The following SLC10A7 variants were observed in gnomAD, a reference collection of about 807,000 sequenced individuals.
SLC10A7 encodes the protein sodium/bile acid cotransporter 7.
In SLC10A7, 29 loss-of-function variants were observed where a neutral mutation model predicts 43.2. That is an observed-to-expected ratio of 0.67 (90% confidence interval 0.50 to 0.92). The LOEUF is 0.92. SLC10A7 is among the 40% of genes least tolerant of loss of function. SLC10A7 has a pLI of 0.00. For synonymous variants in SLC10A7, 152 were observed against 144.8 expected (o/e 1.05, Z -0.35); for missense variants, 295 against 403.2 (o/e 0.73, Z 2.30).
At chr4:146,321,950 A>C (rs1732740711) in intron 6 of SLC10A7, among the ~76,000 whole-genome samples, 1 of 152,238 alleles carries the variant, frequency 6.6e-6, no homozygotes, top group African/African-American at 2.4e-5. Flanking sequence ...TACCATAAGT[A>C]TCTAATGATG....
At chr4:146,398,634 A>G (rs114680433) in intron 5 of SLC10A7, among the ~76,000 whole-genome samples, 457 of 152,364 alleles carry the variant, frequency 3.0e-3, no homozygotes, top group Non-Finnish European at 5.4e-3. Flanking sequence ...TCAGAAAAGA[A>G]TCTGTGGGTG....
intron 2 of SLC10A7, chr4:146,515,027 G>C: frequency 1.5e-6 from 1 of 672,672 alleles, no homozygotes; most frequent in East Asian, 2.7e-5. Context: ...GACTCTGAAG[G>C]TTTCTTAGGT....
intron 5 of SLC10A7, among the ~76,000 whole-genome samples, chr4:146,423,583 C>A (rs905846308): frequency 6.6e-6 from 1 of 152,018 alleles, no homozygotes; most frequent in Non-Finnish European, 1.5e-5. Flanking sequence ...TTTAAAACAC[C>A]AAAGCGAGGT....
chr4:146,293,996 A>G lies in SLC10A7; in HGVS notation c.655T>C (p.Cys219Arg). Residue 219 changes from cysteine (C) to arginine (R), a missense_variant, in exon 8 of 12, where the codon TGT (cysteine) becomes CGT (arginine). By Grantham distance (180) the Cys-to-Arg change is radical. Around this residue, in one of 2 missense-constraint regions of SLC10A7, gnomAD observed 242 missense variants for 362.5 expected, o/e 0.67. Coordinates refer to ENST00000335472, the MANE Select transcript of SLC10A7 (RefSeq NM_001029998.6). Reference sequence around the variant, plus strand: ...ATATTTGGGTTAGAGAACGTGTCACAGAATGTTGTGTAGATGATCATGAGG... The same window carrying G: ...ATATTTGGGTTAGAGAACGTGTCACGGAATGTTGTGTAGATGATCATGAGG... The part of the protein sequence containing the change: ...VLLMIIYTTF[C>R]DTFSNPNIDL... The G allele has an allele frequency of 1.2e-6, 2 of 1,613,556 alleles. No individual in the cohort carries two copies. The highest frequency in any genetic ancestry group is 1.7e-6 in the Non-Finnish European group (2 of 1,179,566).
At chr4:146,328,526 A>G (rs1212148728) in intron 5 of SLC10A7, among the ~76,000 whole-genome samples, 1 of 152,102 alleles carries the variant, frequency 6.6e-6, no homozygotes, top group Non-Finnish European at 1.5e-5. Context: ...GCCAGCACCC[A>G]TGCACAGTGT....
chr4:146,476,724 A>G (rs1560946435), intron 4 of SLC10A7, among the ~76,000 whole-genome samples: 1 of 152,194 alleles, frequency 6.6e-6, no homozygotes, highest in Non-Finnish European at 1.5e-5. Flanking sequence ...CTCTAATATT[A>G]CTTGCTTAAA....
chr4:146,467,152 T>C (rs1310071113), intron 4 of SLC10A7, among the ~76,000 whole-genome samples: 1 of 152,180 alleles, frequency 6.6e-6, no homozygotes, highest in Non-Finnish European at 1.5e-5. Flanking sequence ...GGTGTATTAA[T>C]CTATGCTGTT....
At chr4:146,316,221 C>A (rs1272571812) in intron 6 of SLC10A7, among the ~76,000 whole-genome samples, 3 of 151,952 alleles carry the variant, frequency 2.0e-5, no homozygotes, top group African/African-American at 7.3e-5. Flanking sequence ...GAATTTCTGC[C>A]CTTGCCTAAA....
At chr4:146,520,662 C>T (rs1384414261) in intron 1 of SLC10A7, among the ~76,000 whole-genome samples, 1 of 152,148 alleles carries the variant, frequency 6.6e-6, no homozygotes, top group Non-Finnish European at 1.5e-5. Flanking sequence ...TGAGCGCTTC[C>T]TACTATGAAA....
intron 5 of SLC10A7, among the ~76,000 whole-genome samples, chr4:146,341,289 G>A (rs1734244793): frequency 6.6e-6 from 1 of 151,614 alleles, no homozygotes; most frequent in South Asian, 2.1e-4. Context: ...TAACCATTTG[G>A]ATTGAATTTC....
At chr4:146,283,311 A>G (rs575258177) in intron 9 of SLC10A7, 46 bp from the exon 10 acceptor site, 2 of 1,478,078 alleles carry the variant, frequency 1.4e-6, no homozygotes, top group East Asian at 2.3e-5. Context: ...TAAAAAGCCA[A>G]TTTAACACAT....
At chr4:146,278,134 A>G (rs1729324129) in intron 10 of SLC10A7, among the ~76,000 whole-genome samples, 1 of 152,146 alleles carries the variant, frequency 6.6e-6, no homozygotes. Flanking sequence ...GGCCTGGAAT[A>G]TAGTTTCTGA....
chr4:146,416,909 GCT>G (rs1728609271), intron 5 of SLC10A7, among the ~76,000 whole-genome samples: 2 of 152,160 alleles, frequency 1.3e-5, no homozygotes, highest in East Asian at 1.9e-4. Flanking sequence ...CCCATGGCTT[GCT>G]CTCTCACCTC....
At chr4:146,280,389 G>C (rs1250215137) in intron 10 of SLC10A7, among the ~76,000 whole-genome samples, 2 of 152,156 alleles carry the variant, frequency 1.3e-5, no homozygotes, top group East Asian at 3.9e-4. Flanking sequence ...TCCTTGTGAT[G>C]TTCTTGCATT....
chr4:146,415,154 T>C (rs1728477808), intron 5 of SLC10A7, among the ~76,000 whole-genome samples: 2 of 152,212 alleles, frequency 1.3e-5, no homozygotes, highest in East Asian at 3.8e-4. Context: ...GTTCAAATTA[T>C]GGAATTTTTT....
At chr4:146,483,881 A>G (rs1025235550) in intron 4 of SLC10A7, among the ~76,000 whole-genome samples, 16 of 152,344 alleles carry the variant, frequency 1.1e-4, no homozygotes, top group African/African-American at 3.6e-4. Flanking sequence ...AAAGAGAAAA[A>G]GAAGGTTTTT....
At chr4:146,397,526 C>T (rs577317313) in intron 5 of SLC10A7, among the ~76,000 whole-genome samples, 17 of 152,220 alleles carry the variant, frequency 1.1e-4, no homozygotes, top group South Asian at 6.2e-4. Flanking sequence ...CTGGTCTGCA[C>T]GAGGGATAGT....
chr4:146,480,626 T>C (rs951954416), intron 4 of SLC10A7, among the ~76,000 whole-genome samples: 4 of 152,008 alleles, frequency 2.6e-5, no homozygotes, highest in African/African-American at 9.7e-5. Context: ...CCTTAGTATA[T>C]AAAATACTTT....
chr4:146,303,227 T>C (rs903459239), intron 7 of SLC10A7, among the ~76,000 whole-genome samples: 1 of 152,176 alleles, frequency 6.6e-6, no homozygotes, highest in Non-Finnish European at 1.5e-5. Context: ...ATCATCTCCA[T>C]CCTACTTTAT....
Sources: gnomAD v4.1 joint callset for allele counts (sites outside exome capture counted in the v4.1 genomes callset) on GRCh38, gnomAD v4.1.1 for gene constraint, gnomAD v4.1.1 regional missense constraint, MANE v1.5 for transcripts, NCBI Gene and HGNC (gene_info 2026-07-23, HGNC 2026-07-21) for gene names.